TAFA1: variants seen among roughly 807,000 people sequenced by gnomAD.
TAFA1 encodes the protein TAFA chemokine like family member 1.
In TAFA1, 4 loss-of-function variants were observed where a neutral mutation model predicts 18.5. That is an observed-to-expected ratio of 0.22 (90% confidence interval 0.11 to 0.49). TAFA1 has a LOEUF of 0.49. Among genes scored for constraint, TAFA1 ranks in the 20% least tolerant of loss-of-function variants. The pLI, the probability that TAFA1 is intolerant of heterozygous loss-of-function variation, is 0.98. For missense variants in TAFA1, 147 were observed against 169.0 expected (o/e 0.87, Z 0.72); for synonymous variants, 56 against 55.2 (o/e 1.01, Z -0.06).
At chr3:68,156,174 A>T (rs1575650051) in intron 2 of TAFA1, among the ~76,000 whole-genome samples, 1 of 152,290 alleles carries the variant, frequency 6.6e-6, no homozygotes, top group Admixed American at 6.5e-5. Context: ...ACTGCAGCAG[A>T]ATCAGGGAAG....
At chr3:68,322,678 C>G (rs1424721048) in intron 2 of TAFA1, among the ~76,000 whole-genome samples, 1 of 152,142 alleles carries the variant, frequency 6.6e-6, no homozygotes, top group South Asian at 2.1e-4. Flanking sequence ...GCCGGGCGCT[C>G]ATGCCTGTAA....
chr3:68,287,743 A>G (rs1242629526), intron 2 of TAFA1, among the ~76,000 whole-genome samples: 1 of 152,026 alleles, frequency 6.6e-6, no homozygotes, highest in African/African-American at 2.4e-5. Context: ...GCACTATATA[A>G]ACTTCCAATT....
At chr3:68,394,142 A>C (rs947309199) in intron 2 of TAFA1, among the ~76,000 whole-genome samples, 3 of 152,200 alleles carry the variant, frequency 2.0e-5, no homozygotes, top group African/African-American at 7.2e-5. Context: ...AATCACAAGC[A>C]TTCCTGTACA....
chr3:68,047,666 G>A (rs984303478), intron 2 of TAFA1, among the ~76,000 whole-genome samples: 4 of 151,964 alleles, frequency 2.6e-5, no homozygotes, highest in Non-Finnish European at 5.9e-5. Context: ...TGAAGGGGAG[G>A]GATATATTGG....
the TAFA1 span, among the ~76,000 whole-genome samples, chr3:67,998,245 G>T: frequency 6.6e-6 from 1 of 152,048 alleles, no homozygotes; most frequent in Non-Finnish European, 1.5e-5. Context: ...ATATGAATAC[G>T]TTATTTTATA....
intron 2 of TAFA1, among the ~76,000 whole-genome samples, chr3:68,103,799 C>A (rs554552583): frequency 6.6e-6 from 1 of 152,238 alleles, no homozygotes; most frequent in Non-Finnish European, 1.5e-5. Context: ...TGAATCACAA[C>A]CTTCAGTTCT....
rs191645298 is a variant in TAFA1 at position 68,488,119 on chromosome 3, G to T, written c.260-50637G>T. 9.3e-4 allele frequency among the ~76,000 whole-genome samples: 141 copies of T among 152,254 alleles called. 2 individuals carry two copies. In the East Asian group the frequency reaches 0.017, roughly 18 times the overall value. On this transcript the variant is annotated intron_variant, in intron 3 of 4. Transcript: ENST00000478136. ...CAGAACTAATAGGATAGATGTATAC[G>T]TAAAGGGGAGTTTATTAAGGAGTAT...
the TAFA1 span, among the ~76,000 whole-genome samples, chr3:67,996,610 C>T: frequency 4.7e-4 from 71 of 151,928 alleles, no homozygotes; most frequent in Non-Finnish European, 4.6e-4. Context: ...ACCAGCCTGG[C>T]CAACATGATG....
chr3:68,410,428 C>CA (rs2070693044), intron 2 of TAFA1, among the ~76,000 whole-genome samples: 1 of 152,016 alleles, frequency 6.6e-6, no homozygotes, highest in Non-Finnish European at 1.5e-5. Context: ...ATAATTACGG[C>CA]ATTTACTTCC....
intron 2 of TAFA1, among the ~76,000 whole-genome samples, chr3:68,163,189 T>A (rs1331268387): frequency 6.6e-6 from 1 of 152,240 alleles, no homozygotes. Context: ...ATATTAATCA[T>A]CCTTTTCCAG....
chr3:68,017,453 T>C (rs1559703533), intron 2 of TAFA1, among the ~76,000 whole-genome samples: 1 of 152,222 alleles, frequency 6.6e-6, no homozygotes, highest in Non-Finnish European at 1.5e-5. Context: ...AGAGCCTAGA[T>C]GTGATTTTAG....
intron 3 of TAFA1, among the ~76,000 whole-genome samples, chr3:68,448,420 T>C (rs1481558839): frequency 1.3e-5 from 2 of 152,194 alleles, no homozygotes; most frequent in Non-Finnish European, 2.9e-5. Flanking sequence ...TTTAAAATAA[T>C]GAAGAGCATA....
intron 2 of TAFA1, among the ~76,000 whole-genome samples, chr3:68,359,165 C>G (rs2106790001): frequency 6.6e-6 from 1 of 152,124 alleles, no homozygotes; most frequent in East Asian, 1.9e-4. Flanking sequence ...ACATATCATA[C>G]TGCAAATACA....
intron 2 of TAFA1, among the ~76,000 whole-genome samples, chr3:68,198,039 T>G (rs190662920): frequency 6.6e-6 from 1 of 151,864 alleles, no homozygotes; most frequent in Non-Finnish European, 1.5e-5. Flanking sequence ...AATGAATGAA[T>G]GAATTGGGGT....
At chr3:68,475,419 T>A (rs1349848229) in intron 3 of TAFA1, among the ~76,000 whole-genome samples, 1 of 152,088 alleles carries the variant, frequency 6.6e-6, no homozygotes, top group Non-Finnish European at 1.5e-5. Context: ...GTTTGGTTTT[T>A]TGTCCTTGTG....
intron 3 of TAFA1, among the ~76,000 whole-genome samples, chr3:68,479,051 T>C (rs576749109): frequency 6.7e-6 from 1 of 150,312 alleles, no homozygotes; most frequent in South Asian, 2.1e-4. Flanking sequence ...GCCAACATAG[T>C]GAAACCCCAT....
At chr3:68,205,662 G>C (rs2066518076) in intron 2 of TAFA1, among the ~76,000 whole-genome samples, 2 of 151,750 alleles carry the variant, frequency 1.3e-5, no homozygotes, top group Admixed American at 6.6e-5. Flanking sequence ...GTTTGCAATT[G>C]GCATGAATTT....
At chr3:68,082,911 T>C (rs2106779879) in intron 2 of TAFA1, among the ~76,000 whole-genome samples, 1 of 152,356 alleles carries the variant, frequency 6.6e-6, no homozygotes, top group African/African-American at 2.4e-5. Flanking sequence ...AGAAAGTCAT[T>C]GCCTTCTTGG....
chr3:68,174,745 A>T, intron 2 of TAFA1, among the ~76,000 whole-genome samples: 1 of 152,258 alleles, frequency 6.6e-6, no homozygotes, highest in East Asian at 1.9e-4. Context: ...GCGATAGAAA[A>T]GAAAATACCA....
Sources: allele counts gnomAD v4.1 joint callset (sites outside exome capture counted in the v4.1 genomes callset), GRCh38; gene constraint gnomAD v4.1.1; transcripts MANE v1.5; gene names NCBI Gene and HGNC (gene_info 2026-07-23, HGNC 2026-07-21).